CNBD1: variants seen among roughly 807,000 people sequenced by gnomAD.
CNBD1 encodes cyclic nucleotide-binding domain-containing protein 1.
CNBD1 carries 71 observed loss-of-function variants against 54.4 expected under a neutral mutation model. The ratio of observed to expected loss-of-function variants is 1.30; its 90% CI spans 1.08 to 1.59. The LOEUF (loss-of-function observed/expected upper bound fraction) is 1.59. Ranked by LOEUF, CNBD1 falls within the 40% of genes most tolerant of loss-of-function variation. The probability of loss-of-function intolerance (pLI) is 0.00; values close to 1 mark genes in which losing one functional copy is unlikely to be tolerated. For synonymous variants in CNBD1, 182 were observed against 170.7 expected (o/e 1.07, Z -0.51); for missense variants, 659 against 518.0 (o/e 1.27, Z -2.64).
intron 4 of CNBD1, among the ~76,000 whole-genome samples, chr8:86,990,446 A>G (rs147355771): frequency 2.6e-5 from 4 of 151,954 alleles, no homozygotes; most frequent in African/African-American, 7.3e-5. Flanking sequence ...TATTGAAGAG[A>G]TTGTCCTTTC....
chr8:86,927,485 A>G (rs960643358), intron 3 of CNBD1, among the ~76,000 whole-genome samples: 1 of 152,012 alleles, frequency 6.6e-6, no homozygotes, highest in Non-Finnish European at 1.5e-5. Context: ...TGAAGTTACT[A>G]TGATCAGTTG....
rs565334202 is a variant in CNBD1, at chr8:86,992,843, G to A, written c.431+53089G>A. Among the ~76,000 whole-genome samples the A allele has an allele frequency of 7.2e-5, 11 of 152,214 alleles. No homozygotes were observed. The South Asian group carries it at 1.0e-3, about 14-fold the overall frequency. On this transcript the variant is annotated intron_variant, in intron 4 of 10. Transcript: ENST00000518476. ...CTGCTAGTCTGATTGGGTCCCCTTC[G>A]TATGTGCCTTGACCCTTCTCTCTAG... is the stretch of plus-strand genomic sequence containing the variant.
At chr8:87,425,470 A>T (rs1808029240) in intron 2 of CNBD1, among the ~76,000 whole-genome samples, 2 of 152,124 alleles carry the variant, frequency 1.3e-5, no homozygotes, top group South Asian at 4.1e-4. Context: ...TTGGTCTTTG[A>T]TGATGGTGAC....
intron 3 of CNBD1, among the ~76,000 whole-genome samples, chr8:86,938,940 G>T (rs1370207674): frequency 6.6e-6 from 1 of 152,092 alleles, no homozygotes; most frequent in Non-Finnish European, 1.5e-5. Flanking sequence ...CTATTATCAA[G>T]ATGTAATCCA....
At chr8:87,033,446 G>T (rs73275710) in intron 4 of CNBD1, among the ~76,000 whole-genome samples, 1 of 152,128 alleles carries the variant, frequency 6.6e-6, no homozygotes, top group Non-Finnish European at 1.5e-5. Context: ...GATGAAATCA[G>T]TCCAGAAAAA....
chr8:87,195,440 C>A (rs905320748), intron 4 of CNBD1, among the ~76,000 whole-genome samples: 3 of 151,662 alleles, frequency 2.0e-5, no homozygotes, highest in Non-Finnish European at 2.9e-5. Context: ...GTTGGCCAGG[C>A]TGGTCTTGAA....
chr8:87,353,945 T>C, intron 10 of CNBD1, 159 bp downstream of exon 10: 1 of 509,974 alleles, frequency 2.0e-6, no homozygotes, highest in Non-Finnish European at 3.4e-6. Context: ...ATCATTTCTC[T>C]CTTGGTGAAT....
At chr8:86,964,206 G>C (rs1808012118) in intron 4 of CNBD1, among the ~76,000 whole-genome samples, 1 of 2,508 alleles carries the variant, frequency 4.0e-4, no homozygotes, top group South Asian at 0.011. Flanking sequence ...TCCAATCCCT[G>C]GTCTACCATG....
At chr8:87,034,625 A>G (rs966417381) in intron 4 of CNBD1, among the ~76,000 whole-genome samples, 3 of 152,286 alleles carry the variant, frequency 2.0e-5, no homozygotes, top group Non-Finnish European at 4.4e-5. Context: ...TAATTTGTGT[A>G]TATTTTGTGG....
intron 2 of CNBD1, among the ~76,000 whole-genome samples, chr8:86,890,566 C>T (rs1034182117): frequency 2.6e-5 from 4 of 152,050 alleles, no homozygotes; most frequent in Non-Finnish European, 5.9e-5. Context: ...GATATCTCTT[C>T]CACATATTGA....
At chr8:87,243,425 C>T (rs1225775090) in intron 6 of CNBD1, among the ~76,000 whole-genome samples, 1 of 152,144 alleles carries the variant, frequency 6.6e-6, no homozygotes, top group African/African-American at 2.4e-5. Flanking sequence ...GGAATTTAAG[C>T]TATTTGATTT....
intron 4 of CNBD1, among the ~76,000 whole-genome samples, chr8:87,095,316 T>C (rs1380869894): frequency 2.6e-5 from 4 of 152,238 alleles, no homozygotes; most frequent in Non-Finnish European, 5.9e-5. Context: ...TTTCTTAAGA[T>C]AATACACTTG....
At chr8:87,149,654 G>C (rs1812561938) in intron 4 of CNBD1, among the ~76,000 whole-genome samples, 1 of 152,130 alleles carries the variant, frequency 6.6e-6, no homozygotes, top group Non-Finnish European at 1.5e-5. Flanking sequence ...ATGAGACCCT[G>C]ATCTAAGGTA....
chr8:87,065,930 A>G (rs1440418258), intron 4 of CNBD1, among the ~76,000 whole-genome samples: 2 of 151,996 alleles, frequency 1.3e-5, no homozygotes, highest in Non-Finnish European at 2.9e-5. Flanking sequence ...TAAGTTTCAA[A>G]GAACAATGCA....
At chr8:86,963,705 G>A (rs1039296873) in intron 4 of CNBD1, among the ~76,000 whole-genome samples, 20 of 152,128 alleles carry the variant, frequency 1.3e-4, no homozygotes, top group East Asian at 5.8e-4. Context: ...GAGAGGAGGC[G>A]GACCTAGGTT....
chr8:87,329,627 G>T (rs1052493382), intron 8 of CNBD1, among the ~76,000 whole-genome samples: 1 of 151,870 alleles, frequency 6.6e-6, no homozygotes, highest in African/African-American at 2.4e-5. Context: ...TGTTAGATTT[G>T]TAACTGTTTC....
At chr8:87,372,284 G>C (rs963803306) in intron 10 of CNBD1, among the ~76,000 whole-genome samples, 1 of 151,784 alleles carries the variant, frequency 6.6e-6, no homozygotes, top group East Asian at 1.9e-4. Flanking sequence ...TCAAGATTTT[G>C]TTTCTGTTTT....
At chr8:87,302,902 T>C (rs963658736) in intron 8 of CNBD1, among the ~76,000 whole-genome samples, 78 of 151,916 alleles carry the variant, frequency 5.1e-4, no homozygotes, top group African/African-American at 1.8e-3. Flanking sequence ...TCAAAGAGAA[T>C]AAAATACCTA....
chr8:87,270,524 A>T (rs1808341167), intron 6 of CNBD1, among the ~76,000 whole-genome samples: 1 of 151,962 alleles, frequency 6.6e-6, no homozygotes, highest in Non-Finnish European at 1.5e-5. Flanking sequence ...GGGAGTGTAA[A>T]TTAGTTCAAC....
Sources: allele counts gnomAD v4.1 joint callset (sites outside exome capture counted in the v4.1 genomes callset), GRCh38; gene constraint gnomAD v4.1.1; transcripts MANE v1.5; gene names NCBI Gene and HGNC (gene_info 2026-07-23, HGNC 2026-07-21).